STAU1: variants seen among roughly 807,000 people sequenced by gnomAD.
STAU1 encodes the protein staufen double-stranded RNA binding protein 1, also known as double-stranded RNA-binding protein Staufen homolog 1.
STAU1 carries 13 observed loss-of-function variants against 62.9 expected under a neutral mutation model. That is an observed-to-expected ratio of 0.21 (90% CI 0.13 to 0.33). STAU1 has a LOEUF of 0.33. STAU1 is among the 10% of genes least tolerant of loss of function. The pLI is 1.00. For synonymous variants in STAU1, 269 were observed against 265.1 expected (o/e 1.01, Z -0.14); for missense variants, 571 against 712.1 (o/e 0.80, Z 2.25).
At chr20:49,139,335 A>C (rs964395016) in intron 5 of STAU1, among the ~76,000 whole-genome samples, 21 of 152,330 alleles carry the variant, frequency 1.4e-4, no homozygotes, top group Admixed American at 1.4e-3. Context: ...CTCATAAGGG[A>C]TTAATATCCA....
At chr20:49,181,510 A>G (rs1325344375) in intron 1 of STAU1, among the ~76,000 whole-genome samples, 1 of 152,148 alleles carries the variant, frequency 6.6e-6, no homozygotes, top group African/African-American at 2.4e-5. Flanking sequence ...CAAGCCTGTA[A>G]TCCTATCACT....
At chr20:49,182,678 AAC>A (rs1331718568) in intron 1 of STAU1, among the ~76,000 whole-genome samples, 1 of 152,156 alleles carries the variant, frequency 6.6e-6, no homozygotes, top group African/African-American at 2.4e-5. Context: ...CTCTACTAAA[AAC>A]ACAAAAAAAT....
intron 5 of STAU1, among the ~76,000 whole-genome samples, chr20:49,136,504 A>T (rs1015487730): frequency 6.6e-6 from 1 of 152,198 alleles, no homozygotes; most frequent in Non-Finnish European, 1.5e-5. Flanking sequence ...ACCTTTGGAT[A>T]TGTGTCAGCC....
chr20:49,151,763 G>A lies in STAU1; in HGVS notation c.345-16C>T. The stretch of plus-strand genomic sequence containing the variant: ...GTAAAAGTACCTAGAAATAAAAGGA[G>A]GTTAGGCAAATTACAGTCTCAAGTT... On this transcript the variant is annotated splice_polypyrimidine_tract_variant and intron_variant, in intron 4 of 13. Transcript: ENST00000371856. The A allele has an allele frequency of 1.2e-6, 2 of 1,600,446 alleles. No homozygotes were observed. Among genetic ancestry groups the A allele is most frequent in the Non-Finnish European group, 1.7e-6 (2 of 1,175,720 alleles).
intron 3 of STAU1, among the ~76,000 whole-genome samples, chr20:49,157,831 T>C (rs1411106414): frequency 6.6e-6 from 1 of 152,048 alleles, no homozygotes; most frequent in East Asian, 1.9e-4. Flanking sequence ...CTATGTTGCC[T>C]AGGCTGGTCT....
chr20:49,130,776 G>T (rs58779337), intron 6 of STAU1, among the ~76,000 whole-genome samples: 1 of 152,036 alleles, frequency 6.6e-6, no homozygotes, highest in African/African-American at 2.4e-5. Flanking sequence ...GGTGGCTCAC[G>T]CCTGTAATCC....
the STAU1 span, among the ~76,000 whole-genome samples, chr20:49,204,198 A>C: frequency 6.6e-5 from 10 of 151,330 alleles, 1 homozygote; most frequent in South Asian, 1.9e-3. Context: ...ATCTCTGCTC[A>C]CTGAAACCTC....
At position 49,153,989 on chromosome 20, in the gene STAU1, G is replaced by A; in HGVS notation, c.288C>T (p.Tyr96=). ...KKPMYKPVDP[Y]SRMQSTYNYN... is the part of the protein sequence containing the mutation. ...AGTTATAGGTGGACTGCATCCGAGA[G>A]TAAGGGTCAACAGGCTTATACATTG... The change falls in exon 4 of 14, where the codon TAC becomes TAT. Residue 96 remains tyrosine, a synonymous_variant. Coordinates refer to ENST00000371856, the MANE Select transcript of STAU1 (RefSeq NM_017453.4). 1 of 1,613,308 alleles carries A rather than the reference G, an allele frequency of 6.2e-7. No homozygotes were observed. The highest frequency in any genetic ancestry group is 1.1e-5 in the South Asian group (1 of 90,988).
rs1282529808 is a variant in STAU1, at chr20:49,169,242, G to A, written c.-84-2957C>T. On this transcript the variant is annotated intron_variant, in intron 2 of 13. Coordinates refer to ENST00000371856, the MANE Select transcript of STAU1 (RefSeq NM_017453.4). ...TAGGATTACAGGCATGAGCCACTGC[G>A]CCTGGCCTGATGCTAATGTTTTAGC... Among the ~76,000 whole-genome samples the A allele has an allele frequency of 5.9e-5, 9 of 152,024 alleles. No homozygotes were observed. The East Asian group carries it at 1.2e-3, about 20-fold the overall frequency.
In STAU1 at chr20:49,123,190, G is replaced by A. The variant is rs1311085614; in HGVS notation, c.868C>T (p.Arg290Ter). The change falls in exon 8 of 14, where the codon CGA becomes TGA. Residue 290 changes from arginine (R) to a stop codon, truncating the protein, a stop_gained. Coordinates refer to ENST00000371856, the MANE Select transcript of STAU1 (RefSeq NM_017453.4). LOFTEE classifies it high-confidence loss of function. ...TTTGCCTGCTGGATCTGGGCCAGTC[G>A]GCTAATCGGATTGATCCCCTGGCCA... is the stretch of plus-strand genomic sequence containing the variant. ...EYGQGINPIS[R>*]LAQIQQAKKE... 1.2e-6 allele frequency: 2 copies of A among 1,614,114 alleles called. No individual in the cohort carries two copies. The highest frequency in any genetic ancestry group is 1.3e-5 in the African/African-American group (1 of 75,024).
At chr20:49,184,988 AAG>A (rs1433008512) in intron 1 of STAU1, among the ~76,000 whole-genome samples, 1 of 152,234 alleles carries the variant, frequency 6.6e-6, no homozygotes, top group Non-Finnish European at 1.5e-5. Context: ...CTTCCATTGT[AAG>A]AGAGATCCTT....
At chr20:49,188,710 G>A (rs2093821885), upstream of STAU1, among the ~76,000 whole-genome samples, 1 of 152,116 alleles carries the variant, frequency 6.6e-6, no homozygotes, top group African/African-American at 2.4e-5. Context: ...TCCTGCCTCT[G>A]GCCTTCCTTT....
chr20:49,129,964 A>G (rs1013778032), intron 6 of STAU1, among the ~76,000 whole-genome samples: 2 of 152,140 alleles, frequency 1.3e-5, no homozygotes, highest in Non-Finnish European at 2.9e-5. Flanking sequence ...CATGCAACTC[A>G]GCAAATCCAC....
chr20:49,186,524 A>G (rs1425869652), intron 1 of STAU1, among the ~76,000 whole-genome samples: 1 of 152,106 alleles, frequency 6.6e-6, no homozygotes, highest in Non-Finnish European at 1.5e-5. Flanking sequence ...CAATCCTAAG[A>G]TACAGGAGGA....
intron 13 of STAU1, 122 bp from the exon 14 acceptor site, chr20:49,115,015 A>AT (rs2092279424): frequency 9.7e-7 from 1 of 1,033,826 alleles, no homozygotes; most frequent in East Asian, 2.6e-5. Flanking sequence ...CCAGTTTATG[A>AT]TAACAAAAGT....
chr20:49,126,767 T>C (rs1229261139), intron 6 of STAU1, among the ~76,000 whole-genome samples: 2 of 151,542 alleles, frequency 1.3e-5, no homozygotes, highest in Admixed American at 1.3e-4. Context: ...CCTGCACATA[T>C]AAGGTCACTC....
chr20:49,149,862 AAC>A, intron 5 of STAU1, among the ~76,000 whole-genome samples: 1 of 152,324 alleles, frequency 6.6e-6, no homozygotes, highest in Non-Finnish European at 1.5e-5. Context: ...AGCTGGATAC[AAC>A]AGACTCAGCA....
intron 1 of STAU1, among the ~76,000 whole-genome samples, 158 bp from the exon 2 acceptor site, chr20:49,174,427 A>G (rs1338361182): frequency 6.6e-6 from 1 of 152,238 alleles, no homozygotes; most frequent in African/African-American, 2.4e-5. Context: ...AGTCTTCAAA[A>G]GACACAAGCG....
At chr20:49,118,647 A>G (rs1419758048) in intron 9 of STAU1, among the ~76,000 whole-genome samples, 2 of 152,322 alleles carry the variant, frequency 1.3e-5, no homozygotes, top group Admixed American at 6.5e-5. Context: ...AACAAAGTGC[A>G]CTAACCTGTG....
Sources: gnomAD v4.1 joint callset for allele counts (sites outside exome capture counted in the v4.1 genomes callset) on GRCh38, gnomAD v4.1.1 for gene constraint, MANE v1.5 for transcripts, NCBI Gene and HGNC (gene_info 2026-07-23, HGNC 2026-07-21) for gene names.